DPP6: variants seen among roughly 807,000 people sequenced by gnomAD.
DPP6 encodes the protein dipeptidyl peptidase like 6, also known as A-type potassium channel modulatory protein DPP6.
A neutral mutation model predicts 122.6 loss-of-function variants in DPP6; 69 were observed. The observed-to-expected ratio is 0.56, with a 90% CI of 0.46 to 0.69. The LOEUF (loss-of-function observed/expected upper bound fraction) is 0.69, where lower values mean the gene tolerates loss of function less well. Ranked by LOEUF, DPP6 falls within the 30% of genes least tolerant of loss-of-function variation. The pLI is 0.00. For missense variants in DPP6, 928 were observed against 1,116.9 expected (o/e 0.83, Z 2.41); for synonymous variants, 418 against 433.1 (o/e 0.97, Z 0.43).
intron 1 of DPP6, among the ~76,000 whole-genome samples, chr7:154,378,724 G>C (rs978217500): frequency 6.6e-6 from 1 of 152,310 alleles, no homozygotes; most frequent in East Asian, 1.9e-4. Flanking sequence ...CCTGAGACTG[G>C]ATAATTTTTG....
intron 1 of DPP6, among the ~76,000 whole-genome samples, chr7:154,088,735 C>T (rs1804608048): frequency 1.3e-5 from 2 of 151,790 alleles, no homozygotes; most frequent in South Asian, 2.1e-4. Flanking sequence ...ATCTCTGGAG[C>T]ACTGTGCTCA....
In DPP6 at chr7:154,874,105, AC is replaced by A. The variant is rs1316812921; in HGVS notation, c.1883+1415del. ...TGCACACATGCACACATCTATACAC[AC>A]CCACACCCACAGACCCACACACCCC... On this transcript the variant is annotated intron_variant, in intron 19 of 25. Coordinates refer to ENST00000377770, the MANE Select transcript of DPP6 (RefSeq NM_130797.4). 1.5e-4 allele frequency among the ~76,000 whole-genome samples: 22 copies of A among 145,606 alleles called. No individual in the cohort carries two copies. The South Asian group carries it at 4.7e-3, about 31-fold the overall frequency.
Position 154,540,775 on chromosome 7 carries a change from G to A in DPP6, c.552+149G>A, listed in dbSNP as rs921610743. On this transcript the variant is annotated intron_variant, in intron 4 of 25. Transcript: ENST00000377770. ...TACAGGCTGAGCAACCAAAGATAAT[G>A]TGAAATTGAAACCACGCTAATTCAA... The A allele has an allele frequency of 1.4e-5, 8 of 564,718 alleles. No individual in the cohort carries two copies. The South Asian group carries it at 1.5e-4, about 10-fold the overall frequency. 35.0% of individuals were successfully genotyped at this position (564,718 alleles called of 1,614,324 possible). A position where few individuals can be genotyped will look rare whatever the true frequency, so the allele number is the denominator to read the frequency against.
chr7:154,513,391 A>G (rs1025035316), intron 3 of DPP6, among the ~76,000 whole-genome samples: 2 of 152,190 alleles, frequency 1.3e-5, no homozygotes, highest in Non-Finnish European at 2.9e-5. Flanking sequence ...TCCTCTTGGA[A>G]TTAGAGTTGA....
chr7:154,819,075 C>T (rs1389524188), intron 16 of DPP6, among the ~76,000 whole-genome samples: 1 of 152,164 alleles, frequency 6.6e-6, no homozygotes, highest in East Asian at 1.9e-4. Context: ...TGCCTTTCTA[C>T]ATCAGAGGCC....
At chr7:153,841,022 G>A in the DPP6 span, among the ~76,000 whole-genome samples, 1 of 152,136 alleles carries the variant, frequency 6.6e-6, no homozygotes, top group Non-Finnish European at 1.5e-5. Flanking sequence ...TTCCTGTGAA[G>A]AAAAACCAGC....
At chr7:154,171,994 C>G (rs1214460016) in intron 1 of DPP6, among the ~76,000 whole-genome samples, 1 of 152,158 alleles carries the variant, frequency 6.6e-6, no homozygotes, top group African/African-American at 2.4e-5. Flanking sequence ...GATGTACACA[C>G]TGGGATGCAG....
At position 154,821,637 on chromosome 7, in the gene DPP6, T is replaced by TATATATATATATACACAA. The variant is rs1799771739; in HGVS notation, c.1666+14534_1666+14535insTATACACAAATATATATA. On this transcript the variant is annotated intron_variant, in intron 16 of 25. Transcript: ENST00000377770. This position sits in a 1 kb window ranked among gnomAD's most constrained non-coding sequence, Gnocchi z 4.2. Reference sequence around the variant, plus strand: ...TATATATTTTTTTTCTGTATATATATATATATATACACATATATATATATA... The same window carrying TATATATATATATACACAA: ...TATATATTTTTTTTCTGTATATATATATATATATATATACACAAATATATATACACATATATATATATA... Among the ~76,000 whole-genome samples, 1 of 98,090 alleles carries TATATATATATATACACAA rather than the reference T, an allele frequency of 1.0e-5. No individual in the cohort carries two copies. The highest frequency in any genetic ancestry group is 1.9e-5 in the Non-Finnish European group (1 of 51,670). 64.4% of individuals were successfully genotyped at this position (98,090 alleles called of 152,430 possible).
intron 1 of DPP6, among the ~76,000 whole-genome samples, chr7:153,970,829 A>C (rs1347744530): frequency 6.6e-6 from 1 of 152,180 alleles, no homozygotes; most frequent in Non-Finnish European, 1.5e-5. Context: ...TCTGGACTCT[A>C]TTCTGTTCCA....
Position 154,658,465 on chromosome 7 carries a change from C to T in DPP6, c.681-10895C>T, listed in dbSNP as rs144974079. ...AGGAGGTACAGGAGGAAGTGCTGGC[C>T]GAGACGGAAAGGGGATGCCTGGTCA... On this transcript the variant is annotated intron_variant, in intron 6 of 25. Coordinates refer to ENST00000377770, the MANE Select transcript of DPP6 (RefSeq NM_130797.4). Among the ~76,000 whole-genome samples the T allele has an allele frequency of 4.4e-3, 673 of 152,202 alleles. 6 individuals carry two copies. The highest frequency in any genetic ancestry group is 0.014 in the African/African-American group (597 of 41,532).
chr7:154,467,089 C>T (rs1348748006), intron 2 of DPP6, among the ~76,000 whole-genome samples: 1 of 152,188 alleles, frequency 6.6e-6, no homozygotes, highest in African/African-American at 2.4e-5. Flanking sequence ...AAAGGAGTCA[C>T]TAGTTCCAAA....
intron 3 of DPP6, among the ~76,000 whole-genome samples, chr7:154,525,761 T>A (rs1827359145): frequency 6.6e-6 from 1 of 151,964 alleles, no homozygotes; most frequent in African/African-American, 2.4e-5. Context: ...TGTGTTTTTT[T>A]TTTTGAGTTT....
At chr7:154,259,391 G>C (rs140556560) in intron 1 of DPP6, among the ~76,000 whole-genome samples, 1 of 152,208 alleles carries the variant, frequency 6.6e-6, no homozygotes, top group Non-Finnish European at 1.5e-5. Context: ...TACTGGATTC[G>C]TAAGTGCCAA....
chr7:154,222,153 C>T (rs543929497), intron 1 of DPP6, among the ~76,000 whole-genome samples: 19 of 152,260 alleles, frequency 1.2e-4, no homozygotes, highest in Admixed American at 9.2e-4. Flanking sequence ...TTCTGTAACC[C>T]ATTTTCATCT....
At chr7:154,700,703 A>G (rs1586915874) in intron 7 of DPP6, among the ~76,000 whole-genome samples, 1 of 152,126 alleles carries the variant, frequency 6.6e-6, no homozygotes, top group East Asian at 1.9e-4. Flanking sequence ...CTTCCCCAGG[A>G]TAGGGCGGTG....
intron 3 of DPP6, among the ~76,000 whole-genome samples, chr7:154,532,860 A>C (rs1827953719): frequency 9.2e-5 from 14 of 152,166 alleles, no homozygotes. Context: ...GCAGAAACAA[A>C]GGTCTCTCTG....
chr7:154,057,129 T>C (rs1223395263), intron 1 of DPP6, among the ~76,000 whole-genome samples: 1 of 152,238 alleles, frequency 6.6e-6, no homozygotes, highest in Non-Finnish European at 1.5e-5. Context: ...GCCCAGTGAA[T>C]ACATGCTGCT....
chr7:154,306,619 C>G (rs1394478317), intron 1 of DPP6, among the ~76,000 whole-genome samples: 1 of 152,204 alleles, frequency 6.6e-6, no homozygotes, highest in Admixed American at 6.5e-5. Flanking sequence ...CAGAGACTTA[C>G]ACGAAGATGA....
chr7:154,331,072 C>T (rs547869970), intron 1 of DPP6, among the ~76,000 whole-genome samples: 77 of 152,172 alleles, frequency 5.1e-4, no homozygotes, highest in Admixed American at 3.4e-3. Context: ...ATCTCCCCTC[C>T]GACAACAGTT....
Sources: allele counts gnomAD v4.1 joint callset (sites outside exome capture counted in the v4.1 genomes callset), GRCh38; gene constraint gnomAD v4.1.1; non-coding constraint Gnocchi (gnomAD v3.1); transcripts MANE v1.5; gene names NCBI Gene and HGNC (gene_info 2026-07-23, HGNC 2026-07-21).